SRARP: variants seen among roughly 807,000 people sequenced by gnomAD.
SRARP encodes steroid receptor-associated and regulated protein.
In SRARP, 5 loss-of-function variants were observed where a neutral mutation model predicts 3.6. That is an observed-to-expected ratio of 1.39 (90% CI 0.73 to 2.93). The LOEUF is 2.93. Ranked by LOEUF, SRARP falls within the 30% of genes most tolerant of loss-of-function variation. The pLI is 0.00. For synonymous variants in SRARP, 96 were observed against 91.6 expected, an observed-to-expected ratio of 1.05 and a Z score of -0.27; for missense variants, 215 against 216.7, an observed-to-expected ratio of 0.99 and a Z score of 0.05.
intron 1 of SRARP, among the ~76,000 whole-genome samples, chr1:16,005,596 G>C (rs115692780): frequency 6.6e-6 from 1 of 152,210 alleles, no homozygotes; most frequent in Non-Finnish European, 1.5e-5. Context: ...TGTCCCAGTC[G>C]GGTGCAGTGG....
rs2073136407 is a variant in SRARP, at chr1:16,007,432, A to G, written c.*1086A>G. The G allele has an allele frequency of 6.6e-6, 1 of 152,062 alleles. No individual in the cohort carries two copies. The highest frequency in any genetic ancestry group is 6.6e-5 in the Admixed American group (1 of 15,250). The allele number at this position is 152,062 out of a possible 1,614,324, so 9.4% of individuals were successfully genotyped here. Reference sequence around the variant, plus strand: ...TCAGTCTCAAAGCTCCCAGATAAAAATCACTGGGTTTTTCTGTATTTATTT... The same window carrying G: ...TCAGTCTCAAAGCTCCCAGATAAAAGTCACTGGGTTTTTCTGTATTTATTT... On this transcript the variant is annotated 3_prime_UTR_variant, in exon 2 of 2. Coordinates refer to ENST00000329454, the MANE Select transcript of SRARP (RefSeq NM_178840.4).
intron 1 of SRARP, among the ~76,000 whole-genome samples, chr1:16,004,743 A>C (rs2073117694): frequency 5.6e-5 from 8 of 141,870 alleles, no homozygotes; most frequent in South Asian, 2.4e-4. Context: ...AAAAAGCAAG[A>C]CCAGCTGGGG....
rs1386359723 is a variant in SRARP, at chr1:16,008,403, G to C, written c.*2057G>C. On this transcript the variant is annotated 3_prime_UTR_variant, in exon 2 of 2. Transcript: ENST00000329454. The stretch of plus-strand genomic sequence containing the variant: ...AGGCTTTGGGCTAAACCATGAGATG[G>C]AGCAATGAATAAGACAATGAGGCCC... 6.6e-6 allele frequency: 1 copy of C among 152,198 alleles called. No homozygotes were observed. The highest frequency in any genetic ancestry group is 1.5e-5 in the Non-Finnish European group (1 of 68,048). 9.4% of individuals were successfully genotyped at this position (152,198 alleles called of 1,614,324 possible). A position where few individuals can be genotyped will look rare whatever the true frequency, so the allele number is the denominator to read the frequency against.
chr1:16,005,592 A>G (rs11800682), intron 1 of SRARP, among the ~76,000 whole-genome samples: 1,608 of 152,386 alleles, frequency 0.011, 34 homozygotes, highest in African/African-American at 0.037. Flanking sequence ...ACCATGTCCC[A>G]GTCGGGTGCA....
rs1273899700 is a variant in SRARP, at chr1:16,006,551, C to G, written c.*205C>G. On this transcript the variant is annotated 3_prime_UTR_variant, in exon 2 of 2. Transcript: ENST00000329454. ...TCATTCATTCATACAGCAAATATTA[C>G]TGGTACATCTTCCACATGCCAGGCC... is the stretch of plus-strand genomic sequence containing the variant. 3.5e-6 allele frequency: 2 copies of G among 566,348 alleles called. No individual in the cohort carries two copies. Among genetic ancestry groups the G allele is most frequent in the Non-Finnish European group, 6.1e-6 (2 of 329,230 alleles). The allele number at this position is 566,348 out of a possible 1,614,324, so 35.1% of individuals were successfully genotyped here.
chr1:16,006,314 C>T lies in SRARP; in HGVS notation c.478C>T (p.Leu160Phe), dbSNP rs748058881. 1 of 1,607,988 alleles carries T rather than the reference C, an allele frequency of 6.2e-7. No individual in the cohort carries two copies. The highest frequency in any genetic ancestry group is 1.7e-5 in the Admixed American group (1 of 59,712). ...AACAGTCAAGGACTCACTGAAAGCCCTCTCCTCTTGTGTCTGTGGGCAGGC... is the reference window on the plus strand; with the variant it reads ...AACAGTCAAGGACTCACTGAAAGCCTTCTCCTCTTGTGTCTGTGGGCAGGC... The part of the protein sequence containing the change: ...WGTVKDSLKA[L>F]SSCVCGQAD The change falls in exon 2 of 2, where the codon CTC (leucine) becomes TTC (phenylalanine). Residue 160 changes from leucine to phenylalanine, a missense_variant. By Grantham distance (22) the Leu-to-Phe change is conservative. Coordinates refer to ENST00000329454, the MANE Select transcript of SRARP (RefSeq NM_178840.4).
rs2073135049 is a variant in SRARP at position 16,007,263 on chromosome 1, AAGGT to A, written c.*918_*921del. The A allele has an allele frequency of 6.6e-6, 1 of 151,044 alleles. No individual in the cohort carries two copies. Among genetic ancestry groups the A allele is most frequent in the Admixed American group, 6.6e-5 (1 of 15,142 alleles). 9.4% of individuals were successfully genotyped at this position (151,044 alleles called of 1,614,324 possible). ...CTAGGGATAGCAAAAAAAAAAAAAA[AAGGT>A]GGGGGGAGGAGGTTCACCCCTCAGG... On this transcript the variant is annotated 3_prime_UTR_variant, in exon 2 of 2. Coordinates refer to ENST00000329454, the MANE Select transcript of SRARP (RefSeq NM_178840.4).
rs200538635 is a variant in SRARP at position 16,004,293 on chromosome 1, G to A, written c.-11G>A. 1.7e-4 allele frequency: 266 copies of A among 1,590,816 alleles called. 2 individuals carry two copies. In the African/African-American group the frequency reaches 2.0e-3, roughly 12 times the overall value. ...CTCCTGCCAGAGCTAGGCAGGCGCC[G>A]AAGTAGCCGCATGGCCCCGTCAGAA... On this transcript the variant is annotated 5_prime_UTR_variant, in exon 1 of 2. Transcript: ENST00000329454.
Position 16,005,595 on chromosome 1 carries a change from C to T in SRARP, c.83-324C>T, listed in dbSNP as rs917076127. Among the ~76,000 whole-genome samples, 9 of 152,212 alleles carry T rather than the reference C, an allele frequency of 5.9e-5. No homozygotes were observed. The South Asian group carries it at 1.2e-3, about 21-fold the overall frequency. ...TGAATTCAGGAAACCATGTCCCAGT[C>T]GGGTGCAGTGGCTCACGCCTGCAAT... is the stretch of plus-strand genomic sequence containing the variant. On this transcript the variant is annotated intron_variant, in intron 1 of 1. Coordinates refer to ENST00000329454, the MANE Select transcript of SRARP (RefSeq NM_178840.4).
At chr1:16,005,196 T>G (rs2073120097) in intron 1 of SRARP, among the ~76,000 whole-genome samples, 1 of 152,162 alleles carries the variant, frequency 6.6e-6, no homozygotes, top group Admixed American at 6.5e-5. Flanking sequence ...AGCCTCAGTT[T>G]CCTCACCTGG....
Position 16,008,424 on chromosome 1 carries a change from G to A in SRARP, c.*2078G>A, listed in dbSNP as rs1044869432. 1.3e-5 allele frequency: 2 copies of A among 152,192 alleles called. No individual in the cohort carries two copies. The highest frequency in any genetic ancestry group is 6.5e-5 in the Admixed American group (1 of 15,280). 9.4% of individuals were successfully genotyped at this position (152,192 alleles called of 1,614,324 possible). A position where few individuals can be genotyped will look rare whatever the true frequency, so the allele number is the denominator to read the frequency against. ...GATGGAGCAATGAATAAGACAATGAGGCCCAGCCACAAAATAGTTTATCCT... is the reference window on the plus strand; with the variant it reads ...GATGGAGCAATGAATAAGACAATGAAGCCCAGCCACAAAATAGTTTATCCT... On this transcript the variant is annotated 3_prime_UTR_variant, in exon 2 of 2. Coordinates refer to ENST00000329454, the MANE Select transcript of SRARP (RefSeq NM_178840.4).
Position 16,004,283 on chromosome 1 carries a change from G to C in SRARP, c.-21G>C, listed in dbSNP as rs2073113591. On this transcript the variant is annotated 5_prime_UTR_variant, in exon 1 of 2. Coordinates refer to ENST00000329454, the MANE Select transcript of SRARP (RefSeq NM_178840.4). ...GACAGCTCCTCTCCTGCCAGAGCTAGGCAGGCGCCGAAGTAGCCGCATGGC... is the reference window on the plus strand; with the variant it reads ...GACAGCTCCTCTCCTGCCAGAGCTACGCAGGCGCCGAAGTAGCCGCATGGC... 9 of 1,572,774 alleles carry C rather than the reference G, an allele frequency of 5.7e-6. No homozygotes were observed. In the East Asian group the frequency reaches 2.1e-4, roughly 36 times the overall value.
intron 1 of SRARP, among the ~76,000 whole-genome samples, chr1:16,004,713 C>CAAAAA (rs1190178584): frequency 2.2e-4 from 7 of 31,604 alleles, no homozygotes; most frequent in Admixed American, 4.3e-4. Context: ...GACTCCATCT[C>CAAAAA]AAAAAAAAAA....
chr1:16,004,460 A>G, intron 1 of SRARP, 75 bp downstream of exon 1: 2 of 1,335,012 alleles, frequency 1.5e-6, no homozygotes, highest in East Asian at 2.5e-5. Flanking sequence ...CATGCCTGTA[A>G]TCCCAGCACT....
In SRARP at chr1:16,006,050, G is replaced by A. The variant is rs1251261372; in HGVS notation, c.214G>A (p.Gly72Arg). The A allele has an allele frequency of 1.2e-6, 2 of 1,614,020 alleles. No homozygotes were observed. Among genetic ancestry groups the A allele is most frequent in the Non-Finnish European group, 1.7e-6 (2 of 1,180,008 alleles). The stretch of plus-strand genomic sequence containing the variant: ...ACCCCAAGCCCCCAGTCCCAATCGA[G>A]GGCTTGTCACCCCACCAATGAAGAC... The part of the protein sequence containing the change: ...SPPQAPSPNR[G>R]LVTPPMKTYI... Residue 72 changes from glycine (G) to arginine (R), a missense_variant, in exon 2 of 2, where the codon GGG becomes AGG. Physicochemically the swap from Gly to Arg is moderately radical, Grantham distance 125 (BLOSUM62 -2). Coordinates refer to ENST00000329454, the MANE Select transcript of SRARP (RefSeq NM_178840.4).
Position 16,006,435 on chromosome 1 carries a change from A to G in SRARP, c.*89A>G, listed in dbSNP as rs1032045314. 1.2e-5 allele frequency: 17 copies of G among 1,371,326 alleles called. No homozygotes were observed. In the Admixed American group the frequency reaches 3.4e-4, roughly 28 times the overall value. 84.9% of individuals were successfully genotyped at this position (1,371,326 alleles called of 1,614,324 possible). A position where few individuals can be genotyped will look rare whatever the true frequency, so the allele number is the denominator to read the frequency against. Reference sequence around the variant, plus strand: ...GCTAAGCAGGAGTCTTTTGTGCTTGAGCCAAGGAAACATCATTAGATCCGC... The same window carrying G: ...GCTAAGCAGGAGTCTTTTGTGCTTGGGCCAAGGAAACATCATTAGATCCGC... On this transcript the variant is annotated 3_prime_UTR_variant, in exon 2 of 2. Coordinates refer to ENST00000329454, the MANE Select transcript of SRARP (RefSeq NM_178840.4).
In SRARP at chr1:16,005,803, G is replaced by A. The variant is rs2073123694; in HGVS notation, c.83-116G>A. On this transcript the variant is annotated intron_variant, in intron 1 of 1. Coordinates refer to ENST00000329454, the MANE Select transcript of SRARP (RefSeq NM_178840.4). ...TGGGAGGATTGGTTGAGCCCCCTGA[G>A]GCTGAGGCTGCAGTGAGCCATGACC... The A allele has an allele frequency of 7.6e-6, 8 of 1,047,706 alleles. No homozygotes were observed. The East Asian group carries it at 1.7e-4, about 22-fold the overall frequency. 64.9% of individuals were successfully genotyped at this position (1,047,706 alleles called of 1,614,324 possible).
chr1:16,005,207 A>G (rs973686338), intron 1 of SRARP, among the ~76,000 whole-genome samples: 1 of 152,158 alleles, frequency 6.6e-6, no homozygotes, highest in African/African-American at 2.4e-5. Flanking sequence ...CCTCACCTGG[A>G]AAGATGGCCA....
chr1:16,005,283 G>T (rs2073120688), intron 1 of SRARP, among the ~76,000 whole-genome samples: 1 of 152,136 alleles, frequency 6.6e-6, no homozygotes, highest in Admixed American at 6.5e-5. Flanking sequence ...AGCAGAATTG[G>T]CATCCCCTGG....
Sources: gnomAD v4.1 joint callset for allele counts (sites outside exome capture counted in the v4.1 genomes callset) on GRCh38, gnomAD v4.1.1 for gene constraint, MANE v1.5 for transcripts, NCBI Gene and HGNC (gene_info 2026-07-23, HGNC 2026-07-21) for gene names.